The following ERICH5 variants were observed in gnomAD, a reference collection of about 807,000 sequenced individuals.
The protein encoded by ERICH5 is glutamate rich 5, also known as glutamate-rich protein 5.
A neutral mutation model predicts 28.0 loss-of-function variants in ERICH5; 24 were observed. That is an observed-to-expected ratio of 0.86 (90% CI 0.62 to 1.21). The LOEUF is 1.21. Among genes scored for constraint, ERICH5 ranks in the 50% most tolerant of loss-of-function variants. ERICH5 has a pLI of 0.00. For synonymous variants in ERICH5, 163 were observed against 157.6 expected (o/e 1.03, Z -0.25); for missense variants, 421 against 441.2 (o/e 0.95, Z 0.41).
intron 1 of ERICH5, among the ~76,000 whole-genome samples, chr8:98,082,531 G>A (rs914098291): frequency 3.8e-4 from 58 of 151,828 alleles, no homozygotes; most frequent in Non-Finnish European, 1.0e-4. Context: ...TATAGTCCCA[G>A]CTACTCAGGA....
chr8:98,072,017 G>T (rs1024280673), intron 1 of ERICH5, among the ~76,000 whole-genome samples: 2 of 151,838 alleles, frequency 1.3e-5, no homozygotes, highest in African/African-American at 4.8e-5. Flanking sequence ...CTCCCAAAGT[G>T]CTGGGATTAC....
chr8:98,074,426 CT>C (rs35893011), intron 1 of ERICH5, among the ~76,000 whole-genome samples: 13,938 of 132,852 alleles, frequency 0.1, 696 homozygotes, highest in Non-Finnish European at 0.15. Context: ...TTTTAATTTA[CT>C]TTTTTTTTTT....
intron 1 of ERICH5, among the ~76,000 whole-genome samples, chr8:98,078,895 G>C (rs1586202257): frequency 6.6e-6 from 1 of 152,156 alleles, no homozygotes; most frequent in East Asian, 1.9e-4. Flanking sequence ...ACGTAGATTA[G>C]GCATAGAATG....
intron 1 of ERICH5, among the ~76,000 whole-genome samples, chr8:98,080,504 G>A (rs1361737643): frequency 6.6e-6 from 1 of 152,190 alleles, no homozygotes; most frequent in Non-Finnish European, 1.5e-5. Flanking sequence ...AGTGGTAATT[G>A]TAGACTTTAT....
At chr8:98,066,304 C>T (rs1017052477) in intron 1 of ERICH5, among the ~76,000 whole-genome samples, 3 of 152,184 alleles carry the variant, frequency 2.0e-5, no homozygotes, top group African/African-American at 7.2e-5. Context: ...CAGGAAGATA[C>T]ATTTTATTAT....
chr8:98,089,244 T>G lies in ERICH5; in HGVS notation c.227T>G (p.Val76Gly), dbSNP rs776891441. The change falls in exon 2 of 3, where the codon GTT becomes GGT. Residue 76 changes from valine (V) to glycine (G), a missense_variant. Physicochemically the swap from Val to Gly is moderately radical, Grantham distance 109 (BLOSUM62 -3). Coordinates refer to ENST00000318528, the MANE Select transcript of ERICH5 (RefSeq NM_173549.3). The part of the protein sequence containing the change: ...KVSAEPTANG[V>G]KPLQEQPLAK... ...TCAGCAGAGCCTACAGCTAATGGTG[T>G]TAAACCCCTCCAAGAACAGCCCCTG... is the stretch of plus-strand genomic sequence containing the variant. 1.9e-6 allele frequency: 3 copies of G among 1,614,038 alleles called. No individual in the cohort carries two copies. In the African/African-American group the frequency reaches 4.0e-5, roughly 22 times the overall value.
At chr8:98,079,955 T>G (rs761041880) in intron 1 of ERICH5, among the ~76,000 whole-genome samples, 1 of 152,200 alleles carries the variant, frequency 6.6e-6, no homozygotes, top group Non-Finnish European at 1.5e-5. Context: ...TCTAAGCCCT[T>G]TAATGTTGCA....
chr8:98,081,262 T>C (rs1020115314), intron 1 of ERICH5, among the ~76,000 whole-genome samples: 1 of 151,886 alleles, frequency 6.6e-6, no homozygotes, highest in Non-Finnish European at 1.5e-5. Context: ...TGCACCACCA[T>C]ACCCAGCTAA....
chr8:98,065,260 A>G (rs1347175523), intron 1 of ERICH5, among the ~76,000 whole-genome samples: 1 of 152,118 alleles, frequency 6.6e-6, no homozygotes, highest in African/African-American at 2.4e-5. Flanking sequence ...ACTTTTCCCC[A>G]TTTACCCTCC....
chr8:98,071,154 G>A (rs537872329), intron 1 of ERICH5, among the ~76,000 whole-genome samples: 4 of 152,266 alleles, frequency 2.6e-5, no homozygotes, highest in South Asian at 4.1e-4. Flanking sequence ...GCTAGGACCC[G>A]TAATCCCAGC....
intron 1 of ERICH5, among the ~76,000 whole-genome samples, chr8:98,070,659 T>C: frequency 1.8e-4 from 1 of 5,536 alleles, no homozygotes; most frequent in Non-Finnish European, 4.4e-4. Context: ...AAACTGCATC[T>C]CAAAAAAAAA....
Position 98,089,521 on chromosome 8 carries a change from C to T in ERICH5, c.504C>T (p.Asp168=). Residue 168 remains aspartate, a synonymous_variant, in exon 2 of 3, where the codon GAC becomes GAT. Coordinates refer to ENST00000318528, the MANE Select transcript of ERICH5 (RefSeq NM_173549.3). The part of the protein sequence containing the change: ...GQPLQAAVEK[D]SLRAVEVTEN... ...CTTTGCAGGCAGCAGTAGAGAAGGA[C>T]TCTCTCAGAGCAGTGGAGGTCACTG... 6.2e-7 allele frequency: 1 copy of T among 1,614,162 alleles called. No homozygotes were observed. The highest frequency in any genetic ancestry group is 1.3e-5 in the African/African-American group (1 of 75,058).
chr8:98,064,771 G>T, intron 1 of ERICH5, 44 bp downstream of exon 1: 1 of 1,504,148 alleles, frequency 6.6e-7, no homozygotes, highest in Non-Finnish European at 8.9e-7. Context: ...CTGGGGACTC[G>T]GGTGGGCTAA....
chr8:98,082,991 A>G (rs765156159), intron 1 of ERICH5, among the ~76,000 whole-genome samples: 11 of 152,204 alleles, frequency 7.2e-5, no homozygotes, highest in Non-Finnish European at 1.5e-4. Context: ...GGAGAAATCA[A>G]TTTTCTCAAA....
At chr8:98,086,813 T>C (rs1815289638) in intron 1 of ERICH5, among the ~76,000 whole-genome samples, 2 of 151,364 alleles carry the variant, frequency 1.3e-5, no homozygotes, top group Admixed American at 1.3e-4. Context: ...TAGCCGGGCG[T>C]GGTGGTGGGT....
chr8:98,078,185 C>T lies in ERICH5; in HGVS notation c.59-10891C>T, dbSNP rs184499135. Among the ~76,000 whole-genome samples, 909 of 152,268 alleles carry T rather than the reference C, an allele frequency of 6.0e-3. 6 individuals are homozygous for T. Among genetic ancestry groups the T allele is most frequent in the African/African-American group, 0.019 (794 of 41,550 alleles). ...TGGCACAGAAGAGTGTTCGTACATG[C>T]TTTGATGTGGGAAAAGGGAAAAAAC... On this transcript the variant is annotated intron_variant, in intron 1 of 2. Coordinates refer to ENST00000318528, the MANE Select transcript of ERICH5 (RefSeq NM_173549.3).
intron 2 of ERICH5, among the ~76,000 whole-genome samples, chr8:98,092,247 C>T (rs1428226519): frequency 6.6e-6 from 1 of 151,840 alleles, no homozygotes; most frequent in Non-Finnish European, 1.5e-5. Context: ...GTATTCTTAG[C>T]TCATTGTAAC....
At chr8:98,084,471 C>T (rs978392934) in intron 1 of ERICH5, among the ~76,000 whole-genome samples, 3 of 152,102 alleles carry the variant, frequency 2.0e-5, no homozygotes, top group Admixed American at 1.3e-4. Flanking sequence ...CAACCTCTGC[C>T]GCCCGGGTTC....
chr8:98,064,901 C>T (rs998279196), intron 1 of ERICH5, among the ~76,000 whole-genome samples, 174 bp downstream of exon 1: 4 of 152,234 alleles, frequency 2.6e-5, no homozygotes, highest in African/African-American at 9.6e-5. Flanking sequence ...AAATCTGGAG[C>T]GGCGCTGCTG....
Sources: gnomAD v4.1 joint callset for allele counts (sites outside exome capture counted in the v4.1 genomes callset) on GRCh38, gnomAD v4.1.1 for gene constraint, MANE v1.5 for transcripts, NCBI Gene and HGNC (gene_info 2026-07-23, HGNC 2026-07-21) for gene names.